CSMD1: variants seen among roughly 807,000 people sequenced by gnomAD.
CSMD1 encodes the protein CUB and sushi domain-containing protein 1.
CSMD1 carries 213 observed loss-of-function variants against 417.5 expected under a neutral mutation model. That is an observed-to-expected ratio of 0.51 (90% confidence interval 0.46 to 0.57). The LOEUF (loss-of-function observed/expected upper bound fraction) is 0.57. Among genes scored for constraint, CSMD1 ranks in the 20% least tolerant of loss-of-function variants. The probability of loss-of-function intolerance (pLI) is 0.00; values close to 1 mark genes in which losing one functional copy is unlikely to be tolerated. For synonymous variants in CSMD1, 2,862 were observed against 1,736.8 expected, an observed-to-expected ratio of 1.65 and a Z score of -16.11; for missense variants, 6,923 against 4,529.7, an observed-to-expected ratio of 1.53 and a Z score of -15.17.
rs542787305 is a variant in CSMD1 at position 2,969,069 on chromosome 8, T to C, written c.8924-2323A>G. On this transcript the variant is annotated intron_variant, in intron 57 of 69. Transcript: ENST00000635120. The stretch of plus-strand genomic sequence containing the variant: ...TGAATATCTGCTCATGCAAGTTAAA[T>C]AAACCTGAGCAATCAATTTAAATTC... 1.0e-3 allele frequency among the ~76,000 whole-genome samples: 152 copies of C among 152,256 alleles called. 1 individual carries two copies. Among genetic ancestry groups the C allele is most frequent in the African/African-American group, 3.6e-3 (148 of 41,572 alleles).
intron 3 of CSMD1, among the ~76,000 whole-genome samples, chr8:4,283,428 G>C (rs762899214): frequency 1.3e-5 from 2 of 152,102 alleles, no homozygotes; most frequent in Non-Finnish European, 2.9e-5. Flanking sequence ...TTTCATCTGG[G>C]TACAGGATTT....
At chr8:4,584,004 C>T (rs1007220275) in intron 2 of CSMD1, among the ~76,000 whole-genome samples, 6 of 151,880 alleles carry the variant, frequency 4.0e-5, no homozygotes, top group East Asian at 1.9e-4. Context: ...AGGGGAGGAA[C>T]GAACAACTCC....
intron 12 of CSMD1, among the ~76,000 whole-genome samples, chr8:3,452,758 G>C (rs1448637800): frequency 6.6e-6 from 1 of 152,140 alleles, no homozygotes; most frequent in Non-Finnish European, 1.5e-5. Context: ...TGTTCATCAG[G>C]GATATTGGTC....
intron 2 of CSMD1, among the ~76,000 whole-genome samples, chr8:4,509,779 T>C (rs1011681990): frequency 6.6e-6 from 1 of 152,174 alleles, no homozygotes; most frequent in Non-Finnish European, 1.5e-5. Flanking sequence ...AAATATCATA[T>C]TATCATTACC....
intron 7 of CSMD1, among the ~76,000 whole-genome samples, chr8:3,653,027 T>G (rs1445856273): frequency 6.6e-6 from 1 of 152,120 alleles, no homozygotes; most frequent in African/African-American, 2.4e-5. Context: ...TAGAAGCCAA[T>G]AAAAGACACA....
At chr8:3,787,991 GT>G (rs2129066092) in intron 5 of CSMD1, among the ~76,000 whole-genome samples, 1 of 152,314 alleles carries the variant, frequency 6.6e-6, no homozygotes, top group East Asian at 1.9e-4. Context: ...GGAGCTGTGA[GT>G]TTTAGACCAA....
Position 3,394,015 on chromosome 8 carries a change from TATATATATATATATATA to T in CSMD1, c.2593+2162_2593+2178del, listed in dbSNP as rs1563342248. On this transcript the variant is annotated intron_variant, in intron 17 of 69. Transcript: ENST00000635120. The stretch of plus-strand genomic sequence containing the variant: ...ATAATAATAATAAAAAAATAAATTA[TATATATATATATATATA>T]TATATATATATATATATATATATAG... Among the ~76,000 whole-genome samples, 93 of 43,984 alleles carry T rather than the reference TATATATATATATATATA, an allele frequency of 2.1e-3. 2 individuals are homozygous for T. The highest frequency in any genetic ancestry group is 5.8e-3 in the African/African-American group (79 of 13,726). The allele number at this position is 43,984 out of a possible 152,430, so 28.9% of individuals were successfully genotyped here. A position where few individuals can be genotyped will look rare whatever the true frequency, so the allele number is the denominator to read the frequency against.
intron 21 of CSMD1, among the ~76,000 whole-genome samples, chr8:3,357,731 A>G (rs1366005190): frequency 6.6e-6 from 1 of 152,160 alleles, no homozygotes; most frequent in African/African-American, 2.4e-5. Flanking sequence ...ACTCCAACCA[A>G]TTCTGGGAAC....
intron 3 of CSMD1, among the ~76,000 whole-genome samples, chr8:4,255,476 T>C (rs1002942738): frequency 3.3e-5 from 5 of 152,334 alleles, no homozygotes; most frequent in South Asian, 4.1e-4. Flanking sequence ...TAAAGACTTG[T>C]TCATTATAGA....
At chr8:3,286,536 G>A (rs374845806) in intron 25 of CSMD1, among the ~76,000 whole-genome samples, 1 of 152,098 alleles carries the variant, frequency 6.6e-6, no homozygotes, top group Non-Finnish European at 1.5e-5. Flanking sequence ...GTGTGAGATG[G>A]TATCTCATTG....
Position 3,220,401 on chromosome 8 carries a change from T to C in CSMD1, c.4485-959A>G, listed in dbSNP as rs185969616. Among the ~76,000 whole-genome samples the C allele has an allele frequency of 7.9e-5, 12 of 152,304 alleles. No individual in the cohort carries two copies. The East Asian group carries it at 2.1e-3, about 27-fold the overall frequency. ...CAAAGGTGTCAAGGGCTGGGCTGTG[T>C]TTGCCATTGGTGATGTGTAGGCTGA... On this transcript the variant is annotated intron_variant, in intron 28 of 69. Transcript: ENST00000635120.
intron 2 of CSMD1, among the ~76,000 whole-genome samples, chr8:4,604,410 T>TGTGTGCAC (rs59349269): frequency 6.8e-6 from 1 of 146,152 alleles, no homozygotes; most frequent in East Asian, 2.0e-4. Flanking sequence ...TGTGTGTGTG[T>TGTGTGCAC]GCGCGTGCGT....
chr8:4,538,200 T>C (rs920003587), intron 2 of CSMD1, among the ~76,000 whole-genome samples: 19 of 151,820 alleles, frequency 1.3e-4, no homozygotes, highest in Non-Finnish European at 1.9e-4. Flanking sequence ...CATTTTTTTT[T>C]TTTTTGCCTG....
chr8:4,921,318 G>C (rs1806485293), intron 1 of CSMD1, among the ~76,000 whole-genome samples: 1 of 151,954 alleles, frequency 6.6e-6, no homozygotes, highest in Non-Finnish European at 1.5e-5. Flanking sequence ...GATATACTCA[G>C]GAAAATTCAA....
intron 2 of CSMD1, among the ~76,000 whole-genome samples, chr8:4,427,547 G>C (rs1797634740): frequency 2.0e-5 from 3 of 151,888 alleles, no homozygotes; most frequent in South Asian, 4.1e-4. Context: ...AATCATGTGA[G>C]TATATATACA....
At chr8:4,686,984 G>A (rs1360735161) in intron 1 of CSMD1, among the ~76,000 whole-genome samples, 1 of 152,190 alleles carries the variant, frequency 6.6e-6, no homozygotes, top group Non-Finnish European at 1.5e-5. Context: ...CAGGGAGGTG[G>A]CAAGACCACT....
chr8:3,138,316 C>T (rs1367596595), intron 41 of CSMD1, among the ~76,000 whole-genome samples: 1 of 152,186 alleles, frequency 6.6e-6, no homozygotes, highest in Non-Finnish European at 1.5e-5. Context: ...AACTCTACTC[C>T]TGTAGATACT....
chr8:4,673,079 G>A (rs1186068372), intron 1 of CSMD1, among the ~76,000 whole-genome samples: 2 of 150,526 alleles, frequency 1.3e-5, no homozygotes, highest in East Asian at 2.0e-4. Flanking sequence ...ACACACACAA[G>A]GTGAAACAAC....
chr8:4,767,019 T>C (rs572378927), intron 1 of CSMD1, among the ~76,000 whole-genome samples: 5 of 152,352 alleles, frequency 3.3e-5, no homozygotes, highest in South Asian at 4.1e-4. Flanking sequence ...AAAAATGTAC[T>C]ATGGATACAA....
Sources: allele counts gnomAD v4.1 joint callset (sites outside exome capture counted in the v4.1 genomes callset), GRCh38; gene constraint gnomAD v4.1.1; transcripts MANE v1.5; gene names NCBI Gene and HGNC (gene_info 2026-07-23, HGNC 2026-07-21).